The following NRG3 variants were observed in gnomAD, a reference collection of about 807,000 sequenced individuals.
NRG3 encodes pro-neuregulin-3, membrane-bound isoform.
In NRG3, 31 loss-of-function variants were observed where a neutral mutation model predicts 66.9. The ratio of observed to expected loss-of-function variants is 0.46; its 90% CI spans 0.35 to 0.63. The LOEUF is 0.63. Among genes scored for constraint, NRG3 ranks in the 20% least tolerant of loss-of-function variants. NRG3 has a pLI of 0.00. For missense variants in NRG3, 910 were observed against 878.9 expected (o/e 1.04, Z -0.45); for synonymous variants, 393 against 359.4 (o/e 1.09, Z -1.06).
chr10:81,910,717 A>T (rs1845054019), intron 1 of NRG3, among the ~76,000 whole-genome samples: 1 of 152,144 alleles, frequency 6.6e-6, no homozygotes, highest in Admixed American at 6.6e-5. Flanking sequence ...GCGCGATCAT[A>T]GCTCACTGTA....
At chr10:82,862,470 G>C (rs918319465) in intron 3 of NRG3, among the ~76,000 whole-genome samples, 4 of 152,150 alleles carry the variant, frequency 2.6e-5, no homozygotes, top group Non-Finnish European at 5.9e-5. Flanking sequence ...CATATGATAT[G>C]TGTTAGAGCA....
At chr10:82,336,527 T>A (rs1323901627) in intron 1 of NRG3, among the ~76,000 whole-genome samples, 1 of 141,858 alleles carries the variant, frequency 7.0e-6, no homozygotes, top group Non-Finnish European at 1.5e-5. Context: ...TTCTTTTCTT[T>A]TCTTTTTTTT....
chr10:81,962,760 C>T (rs1240156119), intron 1 of NRG3, among the ~76,000 whole-genome samples: 4 of 152,194 alleles, frequency 2.6e-5, no homozygotes, highest in Non-Finnish European at 5.9e-5. Context: ...CAAGATGGCT[C>T]CTCCAGTCAC....
chr10:82,653,762 G>C (rs1020889735), intron 2 of NRG3, among the ~76,000 whole-genome samples: 12 of 152,216 alleles, frequency 7.9e-5, no homozygotes, highest in African/African-American at 2.9e-4. Context: ...TGGAATAGCT[G>C]CAAGGAATAA....
Position 82,985,852 on chromosome 10 carries a change from A to G in NRG3, c.*247A>G, listed in dbSNP as rs1372334932. ...CTGAATCCAATTTCGTTTAGTCCCA[A>G]CACTGTCCTCTTTGGCTCTTAGAAG... On this transcript the variant is annotated 3_prime_UTR_variant, in exon 9 of 9. Coordinates refer to ENST00000372141, the MANE Select transcript of NRG3 (RefSeq NM_001010848.4). The G allele has an allele frequency of 7.2e-6, 3 of 417,342 alleles. No homozygotes were observed. The Admixed American group carries it at 1.2e-4, about 17-fold the overall frequency. 25.9% of individuals were successfully genotyped at this position (417,342 alleles called of 1,614,324 possible). A position where few individuals can be genotyped will look rare whatever the true frequency, so the allele number is the denominator to read the frequency against.
At chr10:81,910,223 C>A (rs950073950) in intron 1 of NRG3, among the ~76,000 whole-genome samples, 6 of 152,124 alleles carry the variant, frequency 3.9e-5, no homozygotes, top group Non-Finnish European at 7.3e-5. Context: ...ACCTACTAGG[C>A]ACCAAGTGAA....
intron 2 of NRG3, among the ~76,000 whole-genome samples, chr10:82,630,013 A>G (rs530657934): frequency 6.6e-6 from 1 of 152,258 alleles, no homozygotes; most frequent in South Asian, 2.1e-4. Context: ...CCAGGGACCC[A>G]TGGACCAGGA....
intron 1 of NRG3, among the ~76,000 whole-genome samples, chr10:82,125,183 C>T (rs2068354808): frequency 6.6e-6 from 1 of 151,828 alleles, no homozygotes; most frequent in Non-Finnish European, 1.5e-5. Context: ...AGAGAGGCAT[C>T]CCCCGGTCAT....
intron 4 of NRG3, among the ~76,000 whole-genome samples, chr10:82,880,996 A>G (rs1842253728): frequency 6.6e-6 from 1 of 152,226 alleles, no homozygotes; most frequent in African/African-American, 2.4e-5. Context: ...GATAAGCAGA[A>G]TTAATGAGGA....
At chr10:82,564,123 A>G (rs2133046524) in intron 2 of NRG3, among the ~76,000 whole-genome samples, 1 of 152,262 alleles carries the variant, frequency 6.6e-6, no homozygotes, top group African/African-American at 2.4e-5. Context: ...AAGTTTAGAT[A>G]ATGAATAAAA....
At chr10:82,431,808 C>T (rs2089823298) in intron 2 of NRG3, among the ~76,000 whole-genome samples, 1 of 152,056 alleles carries the variant, frequency 6.6e-6, no homozygotes, top group Non-Finnish European at 1.5e-5. Flanking sequence ...AATCTGCATA[C>T]ATGTGGAGAA....
intron 4 of NRG3, among the ~76,000 whole-genome samples, chr10:82,939,442 T>A (rs554701989): frequency 6.6e-6 from 1 of 151,540 alleles, no homozygotes; most frequent in Non-Finnish European, 1.5e-5. Context: ...GTTGTTGTTG[T>A]TGTTTGTTGT....
At chr10:82,488,551 C>T (rs576369961) in intron 2 of NRG3, among the ~76,000 whole-genome samples, 3 of 152,078 alleles carry the variant, frequency 2.0e-5, no homozygotes, top group Non-Finnish European at 4.4e-5. Context: ...ATGGTAGCTC[C>T]AACTTTAGTC....
At chr10:82,973,647 A>T (rs907004552) in intron 6 of NRG3, 141 bp from the exon 7 acceptor site, 15 of 836,682 alleles carry the variant, frequency 1.8e-5, no homozygotes, top group Non-Finnish European at 2.9e-5. Flanking sequence ...CAGGACACAA[A>T]TTATGTCTTA....
chr10:82,717,974 T>C (rs1278985550), intron 2 of NRG3, among the ~76,000 whole-genome samples: 2 of 151,928 alleles, frequency 1.3e-5, no homozygotes, highest in African/African-American at 2.4e-5. Context: ...TGTGGGATAA[T>C]AACCACCACA....
chr10:82,456,137 CTT>C lies in NRG3; in HGVS notation c.953+97288_953+97289del, dbSNP rs147759240. ...TACTATTTAAAATATTTTTCTGTCA[CTT>C]TTTTTTTTTTTTTTTTTTGGTAGAG... On this transcript the variant is annotated intron_variant, in intron 2 of 8. Coordinates refer to ENST00000372141, the MANE Select transcript of NRG3 (RefSeq NM_001010848.4). Among the ~76,000 whole-genome samples, 534 of 88,802 alleles carry C rather than the reference CTT, an allele frequency of 6.0e-3. 4 individuals are homozygous for C. The highest frequency in any genetic ancestry group is 0.028 in the Middle Eastern group (4 of 142). 58.3% of individuals were successfully genotyped at this position (88,802 alleles called of 152,430 possible).
At chr10:82,177,236 A>G (rs763502947) in intron 1 of NRG3, among the ~76,000 whole-genome samples, 2 of 152,010 alleles carry the variant, frequency 1.3e-5, no homozygotes, top group African/African-American at 2.4e-5. Flanking sequence ...TGAACTACCT[A>G]TCTAGGCCTG....
intron 3 of NRG3, among the ~76,000 whole-genome samples, chr10:82,781,719 T>A (rs1426335161): frequency 6.6e-6 from 1 of 152,116 alleles, no homozygotes; most frequent in Non-Finnish European, 1.5e-5. Flanking sequence ...GAGGTAACTT[T>A]CTCCATATTT....
chr10:82,057,425 G>A (rs1465397579), intron 1 of NRG3, among the ~76,000 whole-genome samples: 1 of 151,832 alleles, frequency 6.6e-6, no homozygotes, highest in Admixed American at 6.6e-5. Flanking sequence ...TGGTATGTTG[G>A]TTCTGCCTAC....
Sources: gnomAD v4.1 joint callset for allele counts (sites outside exome capture counted in the v4.1 genomes callset) on GRCh38, gnomAD v4.1.1 for gene constraint, MANE v1.5 for transcripts, NCBI Gene and HGNC (gene_info 2026-07-23, HGNC 2026-07-21) for gene names.